KDM4B: variants seen among roughly 807,000 people sequenced by gnomAD.
KDM4B encodes lysine-specific demethylase 4B.
Under a neutral mutation model 125.2 loss-of-function variants are expected in KDM4B, and 32 were observed. The observed-to-expected ratio is 0.26, with a 90% CI of 0.19 to 0.34. The LOEUF is 0.34. Among genes scored for constraint, KDM4B ranks in the 10% least tolerant of loss-of-function variants. The probability of loss-of-function intolerance (pLI) is 1.00; values close to 1 mark genes in which losing one functional copy is unlikely to be tolerated. For synonymous variants in KDM4B, 721 were observed against 677.9 expected, an observed-to-expected ratio of 1.06 and a Z score of -0.99; for missense variants, 1,190 against 1,577.7, an observed-to-expected ratio of 0.75 and a Z score of 4.16.
intron 2 of KDM4B, among the ~76,000 whole-genome samples, chr19:5,030,140 A>G (rs1024026295): frequency 2.6e-5 from 4 of 152,080 alleles, no homozygotes; most frequent in Non-Finnish European, 4.4e-5. Context: ...AGACAGGATC[A>G]CTGTCACCCA....
intron 2 of KDM4B, among the ~76,000 whole-genome samples, chr19:5,031,311 G>T (rs1304685013): frequency 6.6e-6 from 1 of 152,240 alleles, no homozygotes; most frequent in Non-Finnish European, 1.5e-5. Flanking sequence ...CTGGGCACAG[G>T]CAGCTCTGGT....
At chr19:5,109,146 A>G (rs1022461391) in intron 9 of KDM4B, among the ~76,000 whole-genome samples, 1 of 152,174 alleles carries the variant, frequency 6.6e-6, no homozygotes, top group Non-Finnish European at 1.5e-5. Flanking sequence ...CGAAGCTGAA[A>G]ACACTCAGCG....
chr19:4,991,371 T>C (rs1183691032), intron 1 of KDM4B, among the ~76,000 whole-genome samples: 1 of 152,200 alleles, frequency 6.6e-6, no homozygotes, highest in African/African-American at 2.4e-5. Context: ...CCAGGCACTT[T>C]GGGAGGCAGA....
chr19:5,039,710 C>T, intron 3 of KDM4B, 126 bp from the exon 4 acceptor site: 1 of 1,087,572 alleles, frequency 9.2e-7, no homozygotes, highest in Non-Finnish European at 1.3e-6. Context: ...CCTCGTGCCC[C>T]TGGGGGGTGT....
chr19:4,981,715 A>C (rs1438375083), intron 1 of KDM4B, among the ~76,000 whole-genome samples: 1 of 151,962 alleles, frequency 6.6e-6, no homozygotes, highest in African/African-American at 2.4e-5. Context: ...GCCAAGCCCC[A>C]CCTCTTCCCA....
chr19:5,089,676 A>G (rs1480679671), intron 9 of KDM4B, among the ~76,000 whole-genome samples: 2 of 149,418 alleles, frequency 1.3e-5, no homozygotes, highest in Non-Finnish European at 3.0e-5. Flanking sequence ...TAACTTCTCA[A>G]TATGGTTCTG....
At chr19:5,014,299 C>T (rs1223167331) in intron 1 of KDM4B, among the ~76,000 whole-genome samples, 3 of 152,134 alleles carry the variant, frequency 2.0e-5, no homozygotes, top group Non-Finnish European at 4.4e-5. Flanking sequence ...GTTTTTGAGA[C>T]GGAGTCTGGC....
At chr19:4,998,717 C>T (rs367728615) in intron 1 of KDM4B, among the ~76,000 whole-genome samples, 2 of 152,186 alleles carry the variant, frequency 1.3e-5, no homozygotes, top group Non-Finnish European at 2.9e-5. Context: ...TCTTGCCTGT[C>T]GGTTCCTTTT....
intron 1 of KDM4B, among the ~76,000 whole-genome samples, chr19:4,977,014 TTTTTTC>T (rs991668246): frequency 1.3e-4 from 20 of 152,268 alleles, no homozygotes; most frequent in African/African-American, 4.1e-4. Flanking sequence ...TTGCCTGTCT[TTTTTTC>T]TTTTTCTTTT....
At chr19:5,075,438 A>G (rs2038075073) in intron 7 of KDM4B, 1 of 152,252 alleles carries the variant, frequency 6.6e-6, no homozygotes, top group African/African-American at 2.4e-5. Flanking sequence ...AACATTCCTG[A>G]ACTGTGCTAA....
intron 1 of KDM4B, among the ~76,000 whole-genome samples, chr19:4,977,145 C>A (rs1193032536): frequency 2.0e-5 from 3 of 152,126 alleles, no homozygotes; most frequent in Admixed American, 2.0e-4. Context: ...TCTCAGCAAA[C>A]ACGAGGGGAT....
intron 1 of KDM4B, among the ~76,000 whole-genome samples, chr19:5,012,064 TCA>T (rs1260339281): frequency 6.6e-6 from 1 of 152,226 alleles, no homozygotes; most frequent in Non-Finnish European, 1.5e-5. Context: ...CCTTGGGCTG[TCA>T]CTGCAGGCTT....
chr19:5,114,563 A>T lies in KDM4B; in HGVS notation c.1115+3745A>T. 5.9e-6 allele frequency: 2 copies of T among 339,970 alleles called. No individual in the cohort carries two copies. The highest frequency in any genetic ancestry group is 4.3e-5 in the African/African-American group (2 of 46,362). The allele number at this position is 339,970 out of a possible 1,614,324, so 21.1% of individuals were successfully genotyped here. On this transcript the variant is annotated intron_variant, in intron 10 of 22. Transcript: ENST00000159111. This position sits in a 1 kb window ranked among gnomAD's most constrained non-coding sequence, Gnocchi z 5.8. ...AGGGAGTGCGCAGCCTCAGGGACTC[A>T]CTTGCTGTCTCCTGTCTCTTTCCTA...
intron 5 of KDM4B, among the ~76,000 whole-genome samples, chr19:5,044,711 C>T (rs2036968388): frequency 6.6e-6 from 1 of 152,090 alleles, no homozygotes. Flanking sequence ...AGTCATCCCA[C>T]CACTCTAATG....
chr19:5,117,176 C>A (rs943278023), intron 10 of KDM4B, among the ~76,000 whole-genome samples: 2 of 152,180 alleles, frequency 1.3e-5, no homozygotes, highest in African/African-American at 4.8e-5. Flanking sequence ...AAGGATGAGG[C>A]CCCAGAGCTC....
intron 1 of KDM4B, among the ~76,000 whole-genome samples, chr19:5,012,194 A>G (rs1011084122): frequency 2.0e-5 from 3 of 151,582 alleles, no homozygotes; most frequent in Admixed American, 6.6e-5. Context: ...AACCTAAGCC[A>G]CCTGGGTCTT....
intron 9 of KDM4B, among the ~76,000 whole-genome samples, chr19:5,095,979 GAA>G (rs1568295649): frequency 1.3e-5 from 2 of 152,346 alleles, no homozygotes; most frequent in Non-Finnish European, 2.9e-5. Flanking sequence ...GCAGGCTGCC[GAA>G]AAGTCAGCTT....
In KDM4B at chr19:5,137,694, T is replaced by TTGG. The variant is rs1568321405; in HGVS notation, c.2441+19_2441+21dup. On this transcript the variant is annotated intron_variant, in intron 17 of 22. Coordinates refer to ENST00000159111, the MANE Select transcript of KDM4B (RefSeq NM_015015.3). ...GATAGGAGGTGGGTGGCACCGCGCG[T>TTGG]TGGGGCTGGAGGGCCGGAGGGGAGC... 1 of 1,569,800 alleles carries TTGG rather than the reference T, an allele frequency of 6.4e-7. No homozygotes were observed.
At chr19:4,985,805 C>T (rs547819904) in intron 1 of KDM4B, among the ~76,000 whole-genome samples, 3 of 152,184 alleles carry the variant, frequency 2.0e-5, no homozygotes, top group Non-Finnish European at 4.4e-5. Flanking sequence ...TTGCTCTGAG[C>T]CTCAGCACCG....
Sources: gnomAD v4.1 joint callset for allele counts (sites outside exome capture counted in the v4.1 genomes callset) on GRCh38, gnomAD v4.1.1 for gene constraint, Gnocchi (gnomAD v3.1) non-coding constraint, MANE v1.5 for transcripts, NCBI Gene and HGNC (gene_info 2026-07-23, HGNC 2026-07-21) for gene names.